The following FCRL5 variants were observed in gnomAD, a reference collection of about 807,000 sequenced individuals.
FCRL5 encodes Fc receptor like 5.
In FCRL5, 79 loss-of-function variants were observed where a neutral mutation model predicts 92.1. That is an observed-to-expected ratio of 0.86 (90% CI 0.72 to 1.03). The LOEUF is 1.03. Ranked by LOEUF, FCRL5 falls within the 50% of genes least tolerant of loss-of-function variation. FCRL5 has a pLI of 0.00. For missense variants in FCRL5, 1,160 were observed against 1,181.1 expected (o/e 0.98, Z 0.26); for synonymous variants, 466 against 469.3 (o/e 0.99, Z 0.09).
rs1649808442 is a variant in FCRL5 at position 157,513,718 on chromosome 1, C to A, written c.*1957G>T. 1.3e-5 allele frequency: 2 copies of A among 150,974 alleles called. No homozygotes were observed. Among genetic ancestry groups the A allele is most frequent in the Admixed American group, 1.3e-4 (2 of 15,266 alleles). 9.4% of individuals were successfully genotyped at this position (150,974 alleles called of 1,614,324 possible). A position where few individuals can be genotyped will look rare whatever the true frequency, so the allele number is the denominator to read the frequency against. On this transcript the variant is annotated 3_prime_UTR_variant, in exon 17 of 17. Coordinates refer to ENST00000361835, the MANE Select transcript of FCRL5 (RefSeq NM_031281.3). The stretch of plus-strand genomic sequence containing the variant: ...CAGTTATCATTCTGGGATGGGGGTA[C>A]CTTACTCTCCCAATGAGAAATTCTA...
intron 9 of FCRL5, among the ~76,000 whole-genome samples, chr1:157,524,840 G>A (rs895126000): frequency 6.6e-6 from 1 of 152,210 alleles, no homozygotes; most frequent in African/African-American, 2.4e-5. Flanking sequence ...CAGTTGGAGA[G>A]AGGAGAAATC....
At chr1:157,542,660 T>C in intron 6 of FCRL5, 199 bp downstream of exon 6, 1 of 619,822 alleles carries the variant, frequency 1.6e-6, no homozygotes. Flanking sequence ...CAGGCAGGGG[T>C]ATAAGGGCAC....
chr1:157,517,006 C>A (rs906982123), intron 15 of FCRL5, among the ~76,000 whole-genome samples: 2 of 152,178 alleles, frequency 1.3e-5, no homozygotes, highest in Non-Finnish European at 2.9e-5. Context: ...ATTCACTTGA[C>A]TTTATATAAG....
At chr1:157,535,049 C>T (rs971659991) in intron 7 of FCRL5, among the ~76,000 whole-genome samples, 157 bp from the exon 8 acceptor site, 48 of 152,334 alleles carry the variant, frequency 3.2e-4, no homozygotes, top group African/African-American at 1.0e-3. Flanking sequence ...GTGACCAGCC[C>T]TCCATGCTGG....
chr1:157,544,772 T>C, intron 4 of FCRL5, 59 bp downstream of exon 4: 2 of 1,602,794 alleles, frequency 1.2e-6, no homozygotes, highest in South Asian at 1.1e-5. Flanking sequence ...GTTCTATCTC[T>C]ATGACCCCAA....
At position 157,542,923 on chromosome 1, in the gene FCRL5, G is replaced by A. The variant is rs1257836102; in HGVS notation, c.1059C>T (p.Tyr353=). 6.2e-7 allele frequency: 1 copy of A among 1,614,076 alleles called. No individual in the cohort carries two copies. The highest frequency in any genetic ancestry group is 1.3e-5 in the African/African-American group (1 of 74,950). ...FSLTTENSGN[Y]YCTADNGLGA... is the part of the protein sequence containing the mutation. ...CAAGGCCATTGTCAGCTGTGCAGTAGTAGTTCCCTGAATTCTCTGTAGTCA... is the reference window on the plus strand; with the variant it reads ...CAAGGCCATTGTCAGCTGTGCAGTAATAGTTCCCTGAATTCTCTGTAGTCA... Residue 353 remains tyrosine, a synonymous_variant, in exon 6 of 17, where the codon TAC becomes TAT. Coordinates refer to ENST00000361835, the MANE Select transcript of FCRL5 (RefSeq NM_031281.3).
chr1:157,515,486 T>C lies in FCRL5; in HGVS notation c.*189A>G. 1 of 1,295,188 alleles carries C rather than the reference T, an allele frequency of 7.7e-7. No individual in the cohort carries two copies. The highest frequency in any genetic ancestry group is 1.5e-5 in the African/African-American group (1 of 68,120). 80.2% of individuals were successfully genotyped at this position (1,295,188 alleles called of 1,614,324 possible). On this transcript the variant is annotated 3_prime_UTR_variant, in exon 17 of 17. Transcript: ENST00000361835. ...TTAAAAAACCTGCCAGTCAGGGCTTTAACTGGGAAACAGGTGACAGTCCAG... is the reference window on the plus strand; with the variant it reads ...TTAAAAAACCTGCCAGTCAGGGCTTCAACTGGGAAACAGGTGACAGTCCAG...
chr1:157,524,222 G>A (rs1650320797), intron 10 of FCRL5, 57 bp downstream of exon 10: 12 of 1,584,078 alleles, frequency 7.6e-6, no homozygotes, highest in Non-Finnish European at 1.0e-5. Context: ...TTCAGCTGCA[G>A]GGAGAACAGG....
At chr1:157,538,639 C>A (rs140194533) in intron 7 of FCRL5, among the ~76,000 whole-genome samples, 10 of 152,286 alleles carry the variant, frequency 6.6e-5, no homozygotes, top group East Asian at 1.9e-4. Flanking sequence ...TGTGATCCAG[C>A]GACTTGTCTT....
Position 157,539,305 on chromosome 1 carries a change from C to T in FCRL5, c.1183G>A (p.Ala395Thr), listed in dbSNP as rs1320934644. ...GCTTCACAGTGAAGTGTCACCTTGGCTCCCTCAAAAATCAGGTCCTCAGGA... is the reference window on the plus strand; with the variant it reads ...GCTTCACAGTGAAGTGTCACCTTGGTTCCCTCAAAAATCAGGTCCTCAGGA... ...SSPEDLIFEGAKVTLHCEAQR... is the reference protein window; with the variant it reads ...SSPEDLIFEGTKVTLHCEAQR... Residue 395 changes from alanine to threonine, a missense_variant, in exon 7 of 17, where the codon GCC (alanine) becomes ACC (threonine). Coordinates refer to ENST00000361835, the MANE Select transcript of FCRL5 (RefSeq NM_031281.3). 1 of 1,614,098 alleles carries T rather than the reference C, an allele frequency of 6.2e-7. No homozygotes were observed. The highest frequency in any genetic ancestry group is 1.7e-5 in the Admixed American group (1 of 60,018).
At position 157,545,000 on chromosome 1, in the gene FCRL5, T is replaced by G. The variant is rs1225030438; in HGVS notation, c.390A>C (p.Thr130=). The G allele has an allele frequency of 2.5e-6, 4 of 1,614,052 alleles. No homozygotes were observed. The Admixed American group carries it at 6.7e-5, about 27-fold the overall frequency. Reference sequence around the variant, plus strand: ...CATTCTTGTAAATAGTATTATTCAGTGTTACTTCCGCCTTTGCCCGGCACC... The same window carrying G: ...CATTCTTGTAAATAGTATTATTCAGGGTTACTTCCGCCTTTGCCCGGCACC... ...VLRCRAKAEV[T]LNNTIYKNDN... The change falls in exon 4 of 17, where the codon ACA becomes ACC. Residue 130 remains threonine (T), a synonymous_variant. Transcript: ENST00000361835.
chr1:157,531,235 A>G (rs1446262940), intron 8 of FCRL5, among the ~76,000 whole-genome samples: 3 of 152,236 alleles, frequency 2.0e-5, no homozygotes, highest in African/African-American at 7.2e-5. Flanking sequence ...CAATATCACT[A>G]ATTATTGGGG....
intron 6 of FCRL5, among the ~76,000 whole-genome samples, chr1:157,539,780 C>A (rs1193752354): frequency 1.3e-5 from 2 of 152,166 alleles, no homozygotes; most frequent in African/African-American, 4.8e-5. Context: ...ACTCACTGGG[C>A]TAAAGGAAGA....
intron 9 of FCRL5, among the ~76,000 whole-genome samples, chr1:157,525,110 C>A (rs888320255): frequency 6.6e-6 from 1 of 152,166 alleles, no homozygotes; most frequent in Admixed American, 6.5e-5. Flanking sequence ...ATGAGAAAGA[C>A]ATAGTTACTG....
chr1:157,547,797 G>A (rs1194919283), intron 2 of FCRL5, among the ~76,000 whole-genome samples: 1 of 152,176 alleles, frequency 6.6e-6, no homozygotes, highest in Non-Finnish European at 1.5e-5. Context: ...AAGGAGAGGG[G>A]TTGTAGAGGG....
chr1:157,550,900 C>G (rs1223378899), intron 1 of FCRL5, among the ~76,000 whole-genome samples: 4 of 152,084 alleles, frequency 2.6e-5, no homozygotes, highest in Non-Finnish European at 5.9e-5. Context: ...CAATCATACT[C>G]CAGAGCAAGG....
intron 10 of FCRL5, chr1:157,521,975 C>A (rs1037165769): frequency 6.6e-6 from 1 of 152,148 alleles, no homozygotes; most frequent in African/African-American, 2.4e-5. Context: ...TAGAGACAAC[C>A]TACTGGATTG....
chr1:157,539,119 G>T lies in FCRL5; in HGVS notation c.1369C>A (p.Gln457Lys). The change falls in exon 7 of 17, where the codon CAG becomes AAG. Residue 457 changes from glutamine (Q) to lysine (K), a missense_variant. Coordinates refer to ENST00000361835, the MANE Select transcript of FCRL5 (RefSeq NM_031281.3). ...YCTADNGFGPQRSKAVSLSVT... is the reference protein window; with the variant it reads ...YCTADNGFGPKRSKAVSLSVT... ...GAGAGGCTCACCGCCTTACTGCGCTGGGGGCCAAAGCCATTGTCAGCTGTG... is the reference window on the plus strand; with the variant it reads ...GAGAGGCTCACCGCCTTACTGCGCTTGGGGCCAAAGCCATTGTCAGCTGTG... 5 of 1,613,746 alleles carry T rather than the reference G, an allele frequency of 3.1e-6. No homozygotes were observed. Among genetic ancestry groups the T allele is most frequent in the Non-Finnish European group, 4.2e-6 (5 of 1,179,752 alleles).
intron 8 of FCRL5, chr1:157,534,321 C>T (rs1461841041): frequency 1.4e-6 from 1 of 705,902 alleles, no homozygotes; most frequent in Non-Finnish European, 2.6e-6. Context: ...GTAGGACACG[C>T]TCCGTGCATC....
Sources: gnomAD v4.1 joint callset for allele counts (sites outside exome capture counted in the v4.1 genomes callset) on GRCh38, gnomAD v4.1.1 for gene constraint, MANE v1.5 for transcripts, NCBI Gene and HGNC (gene_info 2026-07-23, HGNC 2026-07-21) for gene names.